Variants in DUS2 observed in about 807,000 individuals in gnomAD.
DUS2 encodes tRNA-dihydrouridine(20) synthase [NAD(P)+]-like.
DUS2 carries 52 observed loss-of-function variants against 71.3 expected under a neutral mutation model. The ratio of observed to expected loss-of-function variants is 0.73; its 90% CI spans 0.58 to 0.92. The LOEUF (loss-of-function observed/expected upper bound fraction) is 0.92, where lower values mean the gene tolerates loss of function less well. DUS2 is among the 40% of genes least tolerant of loss of function. The probability of loss-of-function intolerance (pLI) is 0.00; values close to 1 mark genes in which losing one functional copy is unlikely to be tolerated. For missense variants in DUS2, 558 were observed against 622.6 expected (o/e 0.90, Z 1.10); for synonymous variants, 204 against 227.8 (o/e 0.90, Z 0.94).
At chr16:68,058,114 C>T (rs966425152) in intron 7 of DUS2, among the ~76,000 whole-genome samples, 2 of 151,686 alleles carry the variant, frequency 1.3e-5, no homozygotes, top group South Asian at 2.1e-4. Flanking sequence ...CTGAGTAGCC[C>T]GATTTGACCA....
At chr16:68,049,602 C>A in intron 4 of DUS2, 52 bp downstream of exon 4, 1 of 1,555,050 alleles carries the variant, frequency 6.4e-7, no homozygotes, top group Non-Finnish European at 8.9e-7. Flanking sequence ...TGGGCTCAAG[C>A]AGCACTACCA....
chr16:68,044,035 T>C (rs2033667369), intron 3 of DUS2, among the ~76,000 whole-genome samples: 1 of 152,244 alleles, frequency 6.6e-6, no homozygotes. Flanking sequence ...TCATTTCTGT[T>C]ACGCTGGTCT....
At chr16:68,062,785 A>C (rs2033958441) in intron 8 of DUS2, among the ~76,000 whole-genome samples, 1 of 151,504 alleles carries the variant, frequency 6.6e-6, no homozygotes, top group South Asian at 2.1e-4. Flanking sequence ...CTTGTGAACT[A>C]TAGTCTCTTC....
intron 3 of DUS2, among the ~76,000 whole-genome samples, chr16:68,043,230 A>C (rs552608492): frequency 1.3e-5 from 2 of 152,088 alleles, no homozygotes; most frequent in Non-Finnish European, 2.9e-5. Flanking sequence ...AACATGGTGA[A>C]ACCCCGTCTC....
intron 3 of DUS2, among the ~76,000 whole-genome samples, chr16:68,047,553 G>C (rs974487084): frequency 4.6e-5 from 7 of 150,848 alleles, no homozygotes; most frequent in East Asian, 3.9e-4. Flanking sequence ...GCGCAATCTC[G>C]GCTCACTGCA....
At chr16:68,069,994 C>T in intron 10 of DUS2, 140 bp from the exon 11 acceptor site, 1 of 694,698 alleles carries the variant, frequency 1.4e-6, no homozygotes, top group South Asian at 1.7e-5. Flanking sequence ...TTCCTGCCAC[C>T]TGTCCTTGAT....
intron 2 of DUS2, among the ~76,000 whole-genome samples, chr16:68,037,198 G>C (rs1458286622): frequency 3.3e-5 from 5 of 150,834 alleles, no homozygotes; most frequent in Non-Finnish European, 7.4e-5. Flanking sequence ...TGTATCCCAG[G>C]AGACTGGGTC....
intron 2 of DUS2, among the ~76,000 whole-genome samples, chr16:68,032,480 G>A (rs2033454136): frequency 6.6e-6 from 1 of 152,208 alleles, no homozygotes. Context: ...GCAGAGAAAT[G>A]TAGGGTGTTT....
chr16:68,070,956 C>T lies in DUS2; in HGVS notation c.658C>T (p.His220Tyr). Residue 220 changes from histidine (H) to tyrosine (Y), a missense_variant, in exon 12 of 17, where the codon CAC (histidine) becomes TAC (tyrosine). Physicochemically the swap from His to Tyr is moderately conservative, Grantham distance 83. Transcript: ENST00000565263. The part of the protein sequence containing the change: ...PVIANGGSHD[H>Y]IQQYSDIEDF... ...GCTTTTTAGCGGAGGATCTCATGAC[C>T]ACATCCAACAGTATTCGGACATAGA... 6.2e-7 allele frequency: 1 copy of T among 1,614,142 alleles called. No homozygotes were observed. Among genetic ancestry groups the T allele is most frequent in the Non-Finnish European group, 8.5e-7 (1 of 1,180,020 alleles).
In DUS2 at chr16:68,079,129, G is replaced by C; in HGVS notation, c.*143G>C. The C allele has an allele frequency of 1.3e-6, 1 of 794,762 alleles. No homozygotes were observed. The highest frequency in any genetic ancestry group is 1.9e-6 in the Non-Finnish European group (1 of 528,180). 49.2% of individuals were successfully genotyped at this position (794,762 alleles called of 1,614,324 possible). On this transcript the variant is annotated 3_prime_UTR_variant, in exon 17 of 17. Transcript: ENST00000565263. Reference sequence around the variant, plus strand: ...TGTCCTGGCAGGGGCCATCAGCCTAGAGCATGGACCAGGGGCCGCCCAGGG... The same window carrying C: ...TGTCCTGGCAGGGGCCATCAGCCTACAGCATGGACCAGGGGCCGCCCAGGG...
chr16:68,078,821 T>C lies in DUS2; in HGVS notation c.1317T>C (p.Gly439=). The change falls in exon 17 of 17, where the codon GGT becomes GGC. Residue 439 remains glycine, a synonymous_variant. Coordinates refer to ENST00000565263, the MANE Select transcript of DUS2 (RefSeq NM_017803.5). ...VCLRSQGLPE[G]RLGEESPSLH... ...TGCGGAGCCAGGGCCTCCCTGAGGGTCGGCTGGGTGAGGAGAGCCCTTCCT... is the reference window on the plus strand; with the variant it reads ...TGCGGAGCCAGGGCCTCCCTGAGGGCCGGCTGGGTGAGGAGAGCCCTTCCT... 2 of 1,613,244 alleles carry C rather than the reference T, an allele frequency of 1.2e-6. No individual in the cohort carries two copies. Among genetic ancestry groups the C allele is most frequent in the Non-Finnish European group, 1.7e-6 (2 of 1,179,666 alleles).
chr16:68,073,198 C>T lies in DUS2; in HGVS notation c.811-836C>T, dbSNP rs1253423663. Among the ~76,000 whole-genome samples the T allele has an allele frequency of 1.1e-4, 17 of 152,218 alleles. 1 individual carries two copies. The highest frequency in any genetic ancestry group is 1.1e-3 in the Admixed American group (17 of 15,290). ...ATGTGTTTCTGACCGTGGTCCTTGG[C>T]TGTGACCCTCAAGCTTTGTACCACT... On this transcript the variant is annotated intron_variant, in intron 12 of 16. Transcript: ENST00000565263.
At chr16:68,068,844 C>T (rs1050720103) in intron 10 of DUS2, among the ~76,000 whole-genome samples, 28 of 151,224 alleles carry the variant, frequency 1.9e-4, no homozygotes, top group African/African-American at 6.8e-4. Flanking sequence ...AAATAATCCA[C>T]CCACCTTGGC....
intron 10 of DUS2, among the ~76,000 whole-genome samples, chr16:68,068,520 C>G (rs1244254716): frequency 6.6e-6 from 1 of 150,450 alleles, no homozygotes; most frequent in Non-Finnish European, 1.5e-5. Flanking sequence ...TGTCCCAGGG[C>G]TTTTATGAGA....
chr16:68,035,884 TTATA>T (rs71145987), intron 2 of DUS2, among the ~76,000 whole-genome samples: 1,188 of 112,986 alleles, frequency 0.011, 22 homozygotes, highest in African/African-American at 0.033. Context: ...CCCGCTAATT[TTATA>T]TATATATATA....
At chr16:68,054,069 T>C (rs1490331535) in intron 5 of DUS2, 1 of 202,004 alleles carries the variant, frequency 5.0e-6, no homozygotes, top group Admixed American at 5.3e-5. Flanking sequence ...GACTCTATAG[T>C]GCCCTTCTCT....
chr16:68,049,321 T>C (rs1347795438), intron 3 of DUS2, among the ~76,000 whole-genome samples, 184 bp from the exon 4 acceptor site: 1 of 152,166 alleles, frequency 6.6e-6, no homozygotes, highest in Non-Finnish European at 1.5e-5. Flanking sequence ...TGAGAGTAGC[T>C]CACTCTGGCT....
chr16:68,074,198 G>A (rs1012340676), intron 13 of DUS2, 43 bp downstream of exon 13: 2 of 1,610,784 alleles, frequency 1.2e-6, no homozygotes, highest in Non-Finnish European at 1.7e-6. Context: ...TGTACGCATT[G>A]CCCAAGTTTG....
Position 68,053,667 on chromosome 16 carries a change from C to G in DUS2, c.264+12C>G, listed in dbSNP as rs756193597. 1 of 1,613,900 alleles carries G rather than the reference C, an allele frequency of 6.2e-7. No individual in the cohort carries two copies. The highest frequency in any genetic ancestry group is 1.7e-5 in the Admixed American group (1 of 60,028). On this transcript the variant is annotated intron_variant, in intron 5 of 16. Transcript: ENST00000565263. ...TGGTCTTCCAGATGGTGAGAGACTCCATTGCTGCATGCCCTCCTGAGGCTC... is the reference window on the plus strand; with the variant it reads ...TGGTCTTCCAGATGGTGAGAGACTCGATTGCTGCATGCCCTCCTGAGGCTC...
Sources: allele counts gnomAD v4.1 joint callset (sites outside exome capture counted in the v4.1 genomes callset), GRCh38; gene constraint gnomAD v4.1.1; transcripts MANE v1.5; gene names NCBI Gene and HGNC (gene_info 2026-07-23, HGNC 2026-07-21).